The following PACSIN2 variants were observed in gnomAD, a reference collection of about 807,000 sequenced individuals.
The protein encoded by PACSIN2 is protein kinase C and casein kinase substrate in neurons 2, also known as protein kinase C and casein kinase substrate in neurons protein 2.
Under a neutral mutation model 63.8 loss-of-function variants are expected in PACSIN2, and 25 were observed. That is an observed-to-expected ratio of 0.39 (90% CI 0.29 to 0.55). PACSIN2 has a LOEUF of 0.55. PACSIN2 is among the 20% of genes least tolerant of loss of function. The pLI, the probability that PACSIN2 is intolerant of heterozygous loss-of-function variation, is 0.62. For synonymous variants in PACSIN2, 255 were observed against 256.2 expected (o/e 1.00, Z 0.05); for missense variants, 518 against 646.9 (o/e 0.80, Z 2.16).
chr22:42,900,339 T>A (rs1477537142), intron 2 of PACSIN2, among the ~76,000 whole-genome samples: 1 of 152,158 alleles, frequency 6.6e-6, no homozygotes, highest in Non-Finnish European at 1.5e-5. Flanking sequence ...CACTGAGTGA[T>A]TTTCACTAGC....
intron 1 of PACSIN2, among the ~76,000 whole-genome samples, chr22:42,940,722 C>T (rs8138930): frequency 0.6 from 91,642 of 151,982 alleles, 28,167 homozygotes; most frequent in East Asian, 0.78. Flanking sequence ...TGTTTAATCC[C>T]GGAAGTCACA....
At position 42,912,141 on chromosome 22, in the gene PACSIN2, A is replaced by C; in HGVS notation, c.-61T>G. The C allele has an allele frequency of 7.7e-6, 9 of 1,170,682 alleles. No homozygotes were observed. The highest frequency in any genetic ancestry group is 9.8e-6 in the Non-Finnish European group (8 of 812,796). 72.5% of individuals were successfully genotyped at this position (1,170,682 alleles called of 1,614,324 possible). ...AGTCAGGGGTCAACTTCGAACGCTCAAAATCTGTAGACAAACCTATAAATG... is the reference window on the plus strand; with the variant it reads ...AGTCAGGGGTCAACTTCGAACGCTCCAAATCTGTAGACAAACCTATAAATG... On this transcript the variant is annotated 5_prime_UTR_variant, in exon 2 of 11. Transcript: ENST00000263246.
intron 1 of PACSIN2, among the ~76,000 whole-genome samples, chr22:42,970,215 T>G (rs1238145265): frequency 6.6e-6 from 1 of 152,148 alleles, no homozygotes; most frequent in Non-Finnish European, 1.5e-5. Context: ...ACGACTAAAG[T>G]AAACCCGCAA....
chr22:42,929,569 C>G (rs1322385358), intron 1 of PACSIN2, among the ~76,000 whole-genome samples: 1 of 152,190 alleles, frequency 6.6e-6, no homozygotes, highest in Non-Finnish European at 1.5e-5. Flanking sequence ...CTCAGAACTC[C>G]AAAACGATCC....
At chr22:42,986,684 T>C (rs1324913326) in intron 1 of PACSIN2, among the ~76,000 whole-genome samples, 1 of 152,144 alleles carries the variant, frequency 6.6e-6, no homozygotes. Flanking sequence ...GCAACATCAG[T>C]GACCACTGAG....
At chr22:42,998,581 G>T (rs1350999462) in intron 1 of PACSIN2, among the ~76,000 whole-genome samples, 2 of 152,138 alleles carry the variant, frequency 1.3e-5, no homozygotes, top group Non-Finnish European at 2.9e-5. Flanking sequence ...GATGACAAAA[G>T]GCTACTGTAA....
chr22:42,972,076 G>A (rs1188383728), intron 1 of PACSIN2, among the ~76,000 whole-genome samples: 2 of 152,208 alleles, frequency 1.3e-5, no homozygotes, highest in African/African-American at 2.4e-5. Flanking sequence ...GGGGGGAAAT[G>A]TGGGGAAAAG....
At chr22:42,981,172 C>T (rs1472225686) in intron 1 of PACSIN2, among the ~76,000 whole-genome samples, 2 of 132,244 alleles carry the variant, frequency 1.5e-5, no homozygotes, top group East Asian at 2.6e-4. Context: ...TCTGCTGGGC[C>T]GCAACCCTGT....
chr22:42,904,401 C>T (rs73886171), intron 2 of PACSIN2, among the ~76,000 whole-genome samples: 3,772 of 152,322 alleles, frequency 0.025, 154 homozygotes, highest in African/African-American at 0.087. Context: ...ATGTGGCTGC[C>T]GTTTTTGCTC....
chr22:43,009,518 T>C (rs1057309222), intron 1 of PACSIN2, among the ~76,000 whole-genome samples: 2 of 152,154 alleles, frequency 1.3e-5, no homozygotes, highest in Non-Finnish European at 2.9e-5. Context: ...GGGGTCACAG[T>C]TGCTATCAGA....
At chr22:42,948,040 G>C (rs762334519) in intron 1 of PACSIN2, among the ~76,000 whole-genome samples, 2 of 152,210 alleles carry the variant, frequency 1.3e-5, no homozygotes, top group Admixed American at 6.5e-5. Context: ...CACATAGAGG[G>C]TCCAGAAAGG....
intron 1 of PACSIN2, among the ~76,000 whole-genome samples, chr22:42,971,863 C>CCCGG (rs1921324588): frequency 6.6e-6 from 1 of 150,990 alleles, no homozygotes; most frequent in African/African-American, 2.4e-5. Flanking sequence ...GCAGCCCCCG[C>CCCGG]CCAGCCAGCA....
In PACSIN2 at chr22:42,871,294, C is replaced by T. The variant is rs538432834; in HGVS notation, c.*63G>A. On this transcript the variant is annotated 3_prime_UTR_variant, in exon 11 of 11. Coordinates refer to ENST00000263246, the MANE Select transcript of PACSIN2 (RefSeq NM_001184970.3). This position sits in a 1 kb window ranked among gnomAD's most constrained non-coding sequence, Gnocchi z 5.4. ...TTGCAGGAAAAGGAGTGGATGCCCA[C>T]GTGGCTGGCTGAGGCTCCTGGGCCC... 1.0e-4 allele frequency: 98 copies of T among 981,582 alleles called. 1 individual carries two copies. The South Asian group carries it at 1.1e-3, about 11-fold the overall frequency. 60.8% of individuals were successfully genotyped at this position (981,582 alleles called of 1,614,324 possible).
At position 42,892,245 on chromosome 22, in the gene PACSIN2, A is replaced by G. The variant is rs148246710; in HGVS notation, c.218-1063T>C. On this transcript the variant is annotated intron_variant, in intron 3 of 10. Coordinates refer to ENST00000263246, the MANE Select transcript of PACSIN2 (RefSeq NM_001184970.3). Reference sequence around the variant, plus strand: ...CAACGGAGCCGGGGCAGAAATCGAGAAGATCCATGGCTGGTCTTCAAGGTG... The same window carrying G: ...CAACGGAGCCGGGGCAGAAATCGAGGAGATCCATGGCTGGTCTTCAAGGTG... 5.3e-5 allele frequency among the ~76,000 whole-genome samples: 8 copies of G among 152,242 alleles called. No homozygotes were observed. The East Asian group carries it at 1.5e-3, about 29-fold the overall frequency.
At chr22:42,998,397 G>T (rs931461601) in intron 1 of PACSIN2, among the ~76,000 whole-genome samples, 2 of 152,096 alleles carry the variant, frequency 1.3e-5, no homozygotes, top group Non-Finnish European at 2.9e-5. Flanking sequence ...TCCCCAACAT[G>T]CCCTGACGCA....
At chr22:42,915,371 G>A (rs57932371) in intron 1 of PACSIN2, among the ~76,000 whole-genome samples, 9 of 152,296 alleles carry the variant, frequency 5.9e-5, no homozygotes, top group Non-Finnish European at 1.2e-4. Context: ...GACATTCTCC[G>A]GTTACATGGT....
intron 1 of PACSIN2, among the ~76,000 whole-genome samples, chr22:42,932,558 T>C (rs1488254320): frequency 6.6e-6 from 1 of 152,166 alleles, no homozygotes; most frequent in Non-Finnish European, 1.5e-5. Flanking sequence ...AAGTGTTGAC[T>C]TGATAAAAGG....
intron 1 of PACSIN2, among the ~76,000 whole-genome samples, chr22:42,947,850 A>G (rs535581422): frequency 6.6e-6 from 1 of 152,330 alleles, no homozygotes; most frequent in East Asian, 1.9e-4. Context: ...TTCCACAAGC[A>G]TTGGCCAGGG....
intron 1 of PACSIN2, among the ~76,000 whole-genome samples, chr22:42,953,693 C>A (rs1071961): frequency 0.61 from 92,340 of 152,042 alleles, 28,631 homozygotes; most frequent in East Asian, 0.78. Flanking sequence ...ACTAAAACTC[C>A]GAGAGGTTAA....
Sources: gnomAD v4.1 joint callset for allele counts (sites outside exome capture counted in the v4.1 genomes callset) on GRCh38, gnomAD v4.1.1 for gene constraint, Gnocchi (gnomAD v3.1) non-coding constraint, MANE v1.5 for transcripts, NCBI Gene and HGNC (gene_info 2026-07-23, HGNC 2026-07-21) for gene names.